Variants in TMEM163 observed in about 807,000 individuals in gnomAD.
The protein encoded by TMEM163 is transmembrane protein 163.
A neutral mutation model predicts 29.3 loss-of-function variants in TMEM163; 17 were observed. That is an observed-to-expected ratio of 0.58 (90% CI 0.40 to 0.87). The LOEUF (loss-of-function observed/expected upper bound fraction) is 0.87, where lower values mean the gene tolerates loss of function less well. Among genes scored for constraint, TMEM163 ranks in the 40% least tolerant of loss-of-function variants. TMEM163 has a pLI of 0.00. For missense variants in TMEM163, 303 were observed against 381.5 expected (o/e 0.79, Z 1.71); for synonymous variants, 157 against 160.6 (o/e 0.98, Z 0.17).
rs567617828 is a variant in TMEM163 at position 134,548,759 on chromosome 2, G to A, written c.458+1811C>T. Reference sequence around the variant, plus strand: ...GAACCCAAATCTAAACATGAAATTCGTTTATGTTTCGTATACACCTTGTAC... The same window carrying A: ...GAACCCAAATCTAAACATGAAATTCATTTATGTTTCGTATACACCTTGTAC... On this transcript the variant is annotated intron_variant, in intron 4 of 7. Transcript: ENST00000281924. Among the ~76,000 whole-genome samples, 28 of 152,204 alleles carry A rather than the reference G, an allele frequency of 1.8e-4. No homozygotes were observed. In the East Asian group the frequency reaches 4.0e-3, roughly 22 times the overall value.
intron 4 of TMEM163, among the ~76,000 whole-genome samples, chr2:134,516,445 T>C: frequency 6.6e-6 from 1 of 151,662 alleles, no homozygotes; most frequent in African/African-American, 2.4e-5. Context: ...CCTGTAATCC[T>C]AGCTACTCGG....
intron 4 of TMEM163, among the ~76,000 whole-genome samples, chr2:134,541,772 G>GCACACA (rs57326163): frequency 5.3e-5 from 8 of 150,100 alleles, no homozygotes; most frequent in African/African-American, 2.0e-4. Flanking sequence ...GTACACACGT[G>GCACACA]CACACACACA....
chr2:134,499,466 C>T (rs1679653608), intron 5 of TMEM163, among the ~76,000 whole-genome samples: 1 of 152,234 alleles, frequency 6.6e-6, no homozygotes, highest in Non-Finnish European at 1.5e-5. Context: ...TTTGCCCACA[C>T]AGCCCTGGAG....
chr2:134,526,307 C>G (rs1390410155), intron 4 of TMEM163, among the ~76,000 whole-genome samples: 1 of 152,118 alleles, frequency 6.6e-6, no homozygotes, highest in Non-Finnish European at 1.5e-5. Context: ...ATACAACCAC[C>G]CAAGGTTAAG....
At chr2:134,490,484 A>C (rs535161475) in intron 5 of TMEM163, among the ~76,000 whole-genome samples, 1 of 152,262 alleles carries the variant, frequency 6.6e-6, no homozygotes, top group Non-Finnish European at 1.5e-5. Context: ...CTCTCCCTGG[A>C]AAGTTCTTTA....
At chr2:134,622,557 T>C (rs1053946589) in intron 2 of TMEM163, among the ~76,000 whole-genome samples, 1 of 152,208 alleles carries the variant, frequency 6.6e-6, no homozygotes, top group Non-Finnish European at 1.5e-5. Context: ...ACTGGGCAAG[T>C]GATACTGGCT....
intron 2 of TMEM163, among the ~76,000 whole-genome samples, chr2:134,672,351 A>C (rs550774422): frequency 6.6e-6 from 1 of 152,310 alleles, no homozygotes; most frequent in East Asian, 1.9e-4. Flanking sequence ...ATAGGTACAA[A>C]ACCAAATTTA....
intron 2 of TMEM163, among the ~76,000 whole-genome samples, chr2:134,587,614 A>C: frequency 6.6e-6 from 1 of 151,940 alleles, no homozygotes; most frequent in East Asian, 1.9e-4. Context: ...GCATCAAGAA[A>C]CTCTGTCTCC....
At chr2:134,573,399 G>T (rs1313288639) in intron 2 of TMEM163, among the ~76,000 whole-genome samples, 2 of 151,888 alleles carry the variant, frequency 1.3e-5, no homozygotes, top group Non-Finnish European at 2.9e-5. Flanking sequence ...TCAACCGGGG[G>T]CACTTTTAGC....
intron 2 of TMEM163, among the ~76,000 whole-genome samples, chr2:134,666,995 G>A (rs1683885848): frequency 1.3e-5 from 2 of 152,134 alleles, no homozygotes; most frequent in African/African-American, 4.8e-5. Flanking sequence ...GTGGCTTCCA[G>A]AATCAGTGGA....
chr2:134,522,910 G>C (rs139270321), intron 4 of TMEM163, among the ~76,000 whole-genome samples: 2 of 152,326 alleles, frequency 1.3e-5, no homozygotes, highest in African/African-American at 4.8e-5. Flanking sequence ...ATGCCGTGTG[G>C]CTTTGAGCAG....
At chr2:134,571,441 AC>A (rs1421544766) in intron 2 of TMEM163, among the ~76,000 whole-genome samples, 4 of 152,054 alleles carry the variant, frequency 2.6e-5, no homozygotes, top group Admixed American at 2.6e-4. Context: ...GGGAACAAAC[AC>A]CTGAAATACA....
At chr2:134,543,701 T>C (rs1680723886) in intron 4 of TMEM163, among the ~76,000 whole-genome samples, 2 of 152,210 alleles carry the variant, frequency 1.3e-5, no homozygotes, top group African/African-American at 4.8e-5. Context: ...CAAAAGGCTA[T>C]CAAGCTATCC....
At chr2:134,578,067 A>C (rs1027917283) in intron 2 of TMEM163, among the ~76,000 whole-genome samples, 1 of 152,148 alleles carries the variant, frequency 6.6e-6, no homozygotes, top group Non-Finnish European at 1.5e-5. Context: ...TCTATCATAA[A>C]AAAAGAAATG....
intron 2 of TMEM163, among the ~76,000 whole-genome samples, chr2:134,620,278 T>C (rs919458042): frequency 1.3e-5 from 2 of 151,652 alleles, no homozygotes; most frequent in Non-Finnish European, 2.9e-5. Flanking sequence ...TTTTTTAAGA[T>C]GGAGTTTCAC....
At chr2:134,576,975 A>G (rs72984282) in intron 2 of TMEM163, among the ~76,000 whole-genome samples, 1,753 of 152,122 alleles carry the variant, frequency 0.012, 17 homozygotes, top group South Asian at 0.015. Flanking sequence ...TTCCATCCCA[A>G]CTATTGTCTG....
intron 2 of TMEM163, among the ~76,000 whole-genome samples, chr2:134,615,044 GACACACAC>G (rs1327097805): frequency 6.6e-6 from 1 of 151,448 alleles, no homozygotes; most frequent in Non-Finnish European, 1.5e-5. Flanking sequence ...CATTAACATA[GACACACAC>G]ACACAGACAC....
At chr2:134,585,608 G>A (rs1452897201) in intron 2 of TMEM163, among the ~76,000 whole-genome samples, 3 of 152,142 alleles carry the variant, frequency 2.0e-5, no homozygotes, top group African/African-American at 7.2e-5. Context: ...CGGGCGCGGT[G>A]GCGGGCACCT....
chr2:134,703,165 G>A (rs1310902242), intron 2 of TMEM163, among the ~76,000 whole-genome samples: 1 of 152,024 alleles, frequency 6.6e-6, no homozygotes, highest in Non-Finnish European at 1.5e-5. Flanking sequence ...AGAAAAACAT[G>A]GTATCCAGGA....
Sources: gnomAD v4.1 joint callset for allele counts (sites outside exome capture counted in the v4.1 genomes callset) on GRCh38, gnomAD v4.1.1 for gene constraint, MANE v1.5 for transcripts, NCBI Gene and HGNC (gene_info 2026-07-23, HGNC 2026-07-21) for gene names.